Variants in MED27 observed in about 807,000 individuals in gnomAD.
The protein encoded by MED27 is mediator complex subunit 27.
MED27 carries 30 observed loss-of-function variants against 38.2 expected under a neutral mutation model. The observed-to-expected ratio is 0.79, with a 90% CI of 0.59 to 1.07. The LOEUF is 1.07. Ranked by LOEUF, MED27 falls within the 50% of genes least tolerant of loss-of-function variation. The pLI is 0.00. For missense variants in MED27, 289 were observed against 397.5 expected, an observed-to-expected ratio of 0.73 and a Z score of 2.32; for synonymous variants, 122 against 153.5, an observed-to-expected ratio of 0.79 and a Z score of 1.52.
chr9:131,867,485 C>G (rs767146894), intron 6 of MED27, among the ~76,000 whole-genome samples: 12 of 152,262 alleles, frequency 7.9e-5, no homozygotes, highest in Non-Finnish European at 1.8e-4. Context: ...GACCAATCTG[C>G]CTCCTTGGAT....
intron 3 of MED27, among the ~76,000 whole-genome samples, chr9:132,000,768 T>C (rs1363228622): frequency 6.6e-6 from 1 of 151,470 alleles, no homozygotes; most frequent in Admixed American, 6.6e-5. Flanking sequence ...TTTTTTTTTT[T>C]AGAGATGGGG....
intron 2 of MED27, among the ~76,000 whole-genome samples, chr9:132,018,733 G>A (rs1205341007): frequency 2.6e-5 from 4 of 152,056 alleles, no homozygotes; most frequent in Middle Eastern, 3.2e-3. Context: ...CATCTGGCCC[G>A]AATCCCACTT....
intron 3 of MED27, among the ~76,000 whole-genome samples, chr9:131,959,087 T>C (rs1269581451): frequency 6.6e-6 from 1 of 152,200 alleles, no homozygotes; most frequent in Non-Finnish European, 1.5e-5. Flanking sequence ...TCATGTTGAA[T>C]GGGAACAATT....
intron 4 of MED27, among the ~76,000 whole-genome samples, chr9:131,900,696 T>C (rs372894036): frequency 2.6e-5 from 4 of 151,954 alleles, no homozygotes; most frequent in East Asian, 1.9e-4. Context: ...TGAAGGGGGA[T>C]AGTTCAGGGG....
Position 131,881,311 on chromosome 9 carries a change from G to A in MED27, c.723+2747C>T, listed in dbSNP as rs970702448. Among the ~76,000 whole-genome samples the A allele has an allele frequency of 2.6e-5, 4 of 152,306 alleles. No homozygotes were observed. The South Asian group carries it at 6.2e-4, about 24-fold the overall frequency. On this transcript the variant is annotated intron_variant, in intron 6 of 7. Coordinates refer to ENST00000292035, the MANE Select transcript of MED27 (RefSeq NM_004269.4). ...AACAAGTAAATACCTCTGGTATGGT[G>A]ACTTAGGTAAGAACACTAAGATGAG... is the stretch of plus-strand genomic sequence containing the variant.
intron 2 of MED27, among the ~76,000 whole-genome samples, chr9:132,048,102 G>A (rs1001140675): frequency 6.6e-6 from 1 of 152,120 alleles, no homozygotes; most frequent in African/African-American, 2.4e-5. Flanking sequence ...TCTTCTTTCT[G>A]CTTTTCTGTT....
At chr9:132,039,611 C>T (rs1833163329) in intron 2 of MED27, among the ~76,000 whole-genome samples, 1 of 152,176 alleles carries the variant, frequency 6.6e-6, no homozygotes, top group African/African-American at 2.4e-5. Context: ...CCATCAAAGG[C>T]CACACTGGAT....
At chr9:132,008,662 C>T (rs1295563971) in intron 3 of MED27, among the ~76,000 whole-genome samples, 2 of 152,194 alleles carry the variant, frequency 1.3e-5, no homozygotes, top group Non-Finnish European at 2.9e-5. Flanking sequence ...TAAAAACAAA[C>T]ACATCGTACA....
At chr9:131,932,476 T>G (rs186163178) in intron 4 of MED27, among the ~76,000 whole-genome samples, 1 of 151,206 alleles carries the variant, frequency 6.6e-6, no homozygotes, top group Non-Finnish European at 1.5e-5. Context: ...CATTAGTGGC[T>G]ACTATGAGCA....
At chr9:131,932,409 T>C (rs1830608208) in intron 4 of MED27, among the ~76,000 whole-genome samples, 4 of 136,408 alleles carry the variant, frequency 2.9e-5, no homozygotes. Context: ...AAGATACAAA[T>C]AAAATAAGAG....
chr9:131,932,621 T>G (rs1830612171), intron 4 of MED27, among the ~76,000 whole-genome samples: 1 of 151,182 alleles, frequency 6.6e-6, no homozygotes, highest in Non-Finnish European at 1.5e-5. Context: ...GATGCAGTAA[T>G]AAAAAAGTCT....
intron 3 of MED27, among the ~76,000 whole-genome samples, chr9:131,947,768 A>C (rs1589227782): frequency 6.6e-6 from 1 of 152,202 alleles, no homozygotes; most frequent in Non-Finnish European, 1.5e-5. Flanking sequence ...GCCGGATTTA[A>C]ATAGCACTTA....
intron 1 of MED27, 147 bp downstream of exon 1, chr9:132,079,495 A>C (rs1299543115): frequency 1.5e-5 from 11 of 720,416 alleles, no homozygotes; most frequent in Non-Finnish European, 1.4e-5. Flanking sequence ...TCCCTGAGGG[A>C]CAGGCAGAGG....
At chr9:131,954,572 T>C (rs566970975) in intron 3 of MED27, among the ~76,000 whole-genome samples, 2 of 152,278 alleles carry the variant, frequency 1.3e-5, no homozygotes, top group East Asian at 3.9e-4. Context: ...AGAAGTCTTG[T>C]GGCAGTCTTT....
Position 131,980,632 on chromosome 9 carries a change from G to A in MED27, c.479+33705C>T, listed in dbSNP as rs1309560270. On this transcript the variant is annotated intron_variant, in intron 3 of 7. Transcript: ENST00000292035. ...TCCCAATTAGTTCCTAAAAATAAACGCACAATATTCCATCATTTTATGGAT... is the reference window on the plus strand; with the variant it reads ...TCCCAATTAGTTCCTAAAAATAAACACACAATATTCCATCATTTTATGGAT... Among the ~76,000 whole-genome samples the A allele has an allele frequency of 3.3e-5, 5 of 151,876 alleles. No homozygotes were observed. The East Asian group carries it at 7.7e-4, about 23-fold the overall frequency.
At chr9:131,892,782 C>T (rs950961370) in intron 5 of MED27, among the ~76,000 whole-genome samples, 4 of 152,208 alleles carry the variant, frequency 2.6e-5, no homozygotes, top group African/African-American at 9.7e-5. Flanking sequence ...GCACAGACTA[C>T]ACCTGACTGA....
intron 3 of MED27, among the ~76,000 whole-genome samples, chr9:131,949,587 G>A (rs1300094585): frequency 6.6e-6 from 1 of 152,086 alleles, no homozygotes; most frequent in African/African-American, 2.4e-5. Context: ...AGGATTCCTT[G>A]GAAAAAGCAG....
At chr9:132,000,824 G>A (rs183947105) in intron 3 of MED27, among the ~76,000 whole-genome samples, 1 of 151,520 alleles carries the variant, frequency 6.6e-6, no homozygotes, top group African/African-American at 2.4e-5. Flanking sequence ...GGGCTCAAGT[G>A]CTCCTTCTGC....
At chr9:131,930,988 G>A (rs1329438096) in intron 4 of MED27, among the ~76,000 whole-genome samples, 1 of 152,150 alleles carries the variant, frequency 6.6e-6, no homozygotes, top group African/African-American at 2.4e-5. Flanking sequence ...GCTCATGCCT[G>A]TAATCCCAGC....
Sources: gnomAD v4.1 joint callset for allele counts (sites outside exome capture counted in the v4.1 genomes callset) on GRCh38, gnomAD v4.1.1 for gene constraint, MANE v1.5 for transcripts, NCBI Gene and HGNC (gene_info 2026-07-23, HGNC 2026-07-21) for gene names.